The following ATF7 variants were observed in gnomAD, a reference collection of about 807,000 sequenced individuals.
ATF7 encodes activating transcription factor 7.
Under a neutral mutation model 50.4 loss-of-function variants are expected in ATF7, and 10 were observed. That is an observed-to-expected ratio of 0.20 (90% CI 0.12 to 0.34). ATF7 has a LOEUF of 0.34. Among genes scored for constraint, ATF7 ranks in the 10% least tolerant of loss-of-function variants. ATF7 has a pLI of 1.00. For missense variants in ATF7, 465 were observed against 613.9 expected (o/e 0.76, Z 2.56); for synonymous variants, 201 against 226.4 (o/e 0.89, Z 1.01).
intron 1 of ATF7, among the ~76,000 whole-genome samples, chr12:53,612,815 C>T (rs1363391484): frequency 6.6e-6 from 1 of 152,116 alleles, no homozygotes; most frequent in African/African-American, 2.4e-5. Context: ...ACCAGCTTGG[C>T]CATCACTGTG....
intron 9 of ATF7, among the ~76,000 whole-genome samples, chr12:53,526,192 G>A (rs1173135329): frequency 1.4e-5 from 2 of 144,078 alleles, no homozygotes; most frequent in Non-Finnish European, 3.0e-5. Flanking sequence ...TGGATAACAA[G>A]AGTGAAACTC....
intron 11 of ATF7, chr12:53,517,592 A>C: frequency 1.8e-6 from 1 of 545,060 alleles, no homozygotes; most frequent in Non-Finnish European, 3.3e-6. Flanking sequence ...CAATAAAATG[A>C]ATCTCCAACA....
intron 2 of ATF7, among the ~76,000 whole-genome samples, chr12:53,587,379 A>AAAAAAAAAAAAAAAAAAAAAAAAAAAAG (rs1942737854): frequency 6.7e-6 from 1 of 149,462 alleles, no homozygotes; most frequent in African/African-American, 2.5e-5. Context: ...AAAAAAAAAA[A>AAAAAAAAAAAAAAAAAAAAAAAAAAAAG]AAAAGAAGGA....
Position 53,514,943 on chromosome 12 carries a change from C to T in ATF7, c.*2194G>A, listed in dbSNP as rs1592759835. ...GACAATAAAAAAATGAAACAAAACT[C>T]TAAAGCAGGAGAAAATCCCAGGGAG... On this transcript the variant is annotated 3_prime_UTR_variant, in exon 12 of 12. Coordinates refer to ENST00000420353, the MANE Select transcript of ATF7 (RefSeq NM_006856.3). 1 of 152,292 alleles carries T rather than the reference C, an allele frequency of 6.6e-6. No individual in the cohort carries two copies. The highest frequency in any genetic ancestry group is 1.9e-4 in the East Asian group (1 of 5,182). 9.4% of individuals were successfully genotyped at this position (152,292 alleles called of 1,614,324 possible).
intron 2 of ATF7, among the ~76,000 whole-genome samples, chr12:53,586,928 A>G (rs1314322703): frequency 6.6e-6 from 1 of 152,210 alleles, no homozygotes; most frequent in Non-Finnish European, 1.5e-5. Flanking sequence ...AACCTTACCC[A>G]GTGAGGCAGT....
At chr12:53,575,407 T>TAAAAA (rs554041037) in intron 2 of ATF7, among the ~76,000 whole-genome samples, 1 of 121,792 alleles carries the variant, frequency 8.2e-6, no homozygotes, top group Non-Finnish European at 1.8e-5. Context: ...AACTCTGTCT[T>TAAAAA]AAAAAAAAAA....
At chr12:53,564,370 T>C (rs1214992026) in intron 2 of ATF7, among the ~76,000 whole-genome samples, 1 of 152,218 alleles carries the variant, frequency 6.6e-6, no homozygotes. Flanking sequence ...AGCAAGACTC[T>C]GTTTCAAAAT....
chr12:53,580,969 A>G (rs932058640), intron 2 of ATF7, among the ~76,000 whole-genome samples: 6 of 151,370 alleles, frequency 4.0e-5, no homozygotes, highest in African/African-American at 1.5e-4. Flanking sequence ...AAAATTAGCC[A>G]GGCATGGTAG....
intron 2 of ATF7, among the ~76,000 whole-genome samples, chr12:53,592,673 A>G (rs1338079466): frequency 6.6e-6 from 1 of 152,016 alleles, no homozygotes; most frequent in Non-Finnish European, 1.5e-5. Context: ...GCAAACAAAG[A>G]AAAAAAACCC....
chr12:53,620,678 C>T (rs1020546683), intron 1 of ATF7, among the ~76,000 whole-genome samples: 5 of 150,738 alleles, frequency 3.3e-5, no homozygotes, highest in Admixed American at 3.3e-4. Flanking sequence ...ATTGCTTGAA[C>T]CTGGGCGGCA....
intron 2 of ATF7, among the ~76,000 whole-genome samples, chr12:53,568,197 G>A (rs1941552159): frequency 6.6e-6 from 1 of 152,162 alleles, no homozygotes; most frequent in Admixed American, 6.6e-5. Context: ...GCACATACAA[G>A]TCAGTACTGA....
intron 2 of ATF7, among the ~76,000 whole-genome samples, chr12:53,592,606 G>A (rs1942992454): frequency 6.6e-6 from 1 of 151,914 alleles, no homozygotes; most frequent in Non-Finnish European, 1.5e-5. Context: ...AGAAAACTAG[G>A]CTTGACAGTT....
intron 2 of ATF7, among the ~76,000 whole-genome samples, chr12:53,582,770 A>C (rs1433498449): frequency 6.6e-6 from 1 of 152,034 alleles, no homozygotes; most frequent in Non-Finnish European, 1.5e-5. Context: ...CGGGATTAGT[A>C]GAGACGGGAT....
chr12:53,526,254 G>GC (rs760820678), intron 9 of ATF7, among the ~76,000 whole-genome samples: 6 of 148,502 alleles, frequency 4.0e-5, no homozygotes, highest in East Asian at 3.9e-4. Context: ...TGCTTCTCCG[G>GC]CCCCCCTTCC....
At position 53,526,037 on chromosome 12, in the gene ATF7, C is replaced by T. The variant is rs577877410; in HGVS notation, c.928-1276G>A. 1.8e-4 allele frequency among the ~76,000 whole-genome samples: 28 copies of T among 151,752 alleles called. 1 individual carries two copies. The Middle Eastern group carries it at 0.01, about 56-fold the overall frequency. On this transcript the variant is annotated intron_variant, in intron 9 of 11. Coordinates refer to ENST00000420353, the MANE Select transcript of ATF7 (RefSeq NM_006856.3). ...ATCAGCCTGACCAACATGGAGAAAC[C>T]CCATCTCTACTAAAAATATAAAGTT... is the stretch of plus-strand genomic sequence containing the variant.
At chr12:53,540,773 A>AGGGTGT (rs1939505521) in intron 4 of ATF7, among the ~76,000 whole-genome samples, 1 of 152,000 alleles carries the variant, frequency 6.6e-6, no homozygotes, top group African/African-American at 2.4e-5. Flanking sequence ...AAATAAAGAC[A>AGGGTGT]GGGTGTTGTT....
At chr12:53,551,265 T>C (rs1940336022) in intron 3 of ATF7, among the ~76,000 whole-genome samples, 1 of 152,218 alleles carries the variant, frequency 6.6e-6, no homozygotes, top group African/African-American at 2.4e-5. Flanking sequence ...GCTCAAGCTA[T>C]CTTCCCACCT....
intron 11 of ATF7, among the ~76,000 whole-genome samples, chr12:53,522,063 C>T (rs1201246853): frequency 6.6e-6 from 1 of 152,178 alleles, no homozygotes; most frequent in African/African-American, 2.4e-5. Context: ...GCAAATTATT[C>T]ACAGTAATTT....
rs1938305801 is a variant in ATF7, at chr12:53,524,268, C to A, written c.1125+296G>T. ...CATTTCCCTTTTGGTTTTCATGACCCCAGTCAGATTCTACAGATGATTTAA... is the reference window on the plus strand; with the variant it reads ...CATTTCCCTTTTGGTTTTCATGACCACAGTCAGATTCTACAGATGATTTAA... On this transcript the variant is annotated intron_variant, in intron 10 of 11. Coordinates refer to ENST00000420353, the MANE Select transcript of ATF7 (RefSeq NM_006856.3). This position sits in a 1 kb window ranked among gnomAD's most constrained non-coding sequence, Gnocchi z 4.6. 6.6e-6 allele frequency among the ~76,000 whole-genome samples: 1 copy of A among 152,040 alleles called. No homozygotes were observed. Among genetic ancestry groups the A allele is most frequent in the Admixed American group, 6.6e-5 (1 of 15,258 alleles).
Sources: allele counts gnomAD v4.1 joint callset (sites outside exome capture counted in the v4.1 genomes callset), GRCh38; gene constraint gnomAD v4.1.1; non-coding constraint Gnocchi (gnomAD v3.1); transcripts MANE v1.5; gene names NCBI Gene and HGNC (gene_info 2026-07-23, HGNC 2026-07-21).